Variants in DYNC2H1 observed in about 807,000 individuals in gnomAD.
DYNC2H1 encodes dynein cytoplasmic 2 heavy chain 1, also known as cytoplasmic dynein 2 heavy chain 1.
In DYNC2H1, 410 loss-of-function variants were observed where a neutral mutation model predicts 570.0. That is an observed-to-expected ratio of 0.72 (90% CI 0.66 to 0.78). The LOEUF (loss-of-function observed/expected upper bound fraction) is 0.78, where lower values mean the gene tolerates loss of function less well. Among genes scored for constraint, DYNC2H1 ranks in the 30% least tolerant of loss-of-function variants. The pLI, the probability that DYNC2H1 is intolerant of heterozygous loss-of-function variation, is 0.00. For synonymous variants in DYNC2H1, 1,688 were observed against 1,677.6 expected (o/e 1.01, Z -0.15); for missense variants, 4,865 against 5,046.4 (o/e 0.96, Z 1.09).
intron 83 of DYNC2H1, among the ~76,000 whole-genome samples, chr11:103,382,154 G>A (rs892469879): frequency 2.6e-5 from 4 of 152,060 alleles, no homozygotes; most frequent in African/African-American, 9.7e-5. Context: ...GAGAATTACT[G>A]ACATTCTAAC....
intron 83 of DYNC2H1, among the ~76,000 whole-genome samples, chr11:103,375,892 T>C (rs954743397): frequency 6.6e-6 from 1 of 152,158 alleles, no homozygotes; most frequent in African/African-American, 2.4e-5. Flanking sequence ...TGTTTTGAAA[T>C]GTGAGGACAT....
Position 103,324,386 on chromosome 11 carries a change from C to T in DYNC2H1, c.12039+396C>T, listed in dbSNP as rs1938363672. On this transcript the variant is annotated intron_variant, in intron 82 of 88. Transcript: ENST00000375735. This position sits in a 1 kb window ranked among gnomAD's most constrained non-coding sequence, Gnocchi z 5.2. ...TCCCTTCTTTGTATCCATGTATACTCAGTGTTTAGATCTCACCTATAAGTG... is the reference window on the plus strand; with the variant it reads ...TCCCTTCTTTGTATCCATGTATACTTAGTGTTTAGATCTCACCTATAAGTG... Among the ~76,000 whole-genome samples, 1 of 152,044 alleles carries T rather than the reference C, an allele frequency of 6.6e-6. No homozygotes were observed. The highest frequency in any genetic ancestry group is 6.5e-5 in the Admixed American group (1 of 15,282).
At chr11:103,238,130 C>T (rs1263198651) in intron 63 of DYNC2H1, among the ~76,000 whole-genome samples, 1 of 151,990 alleles carries the variant, frequency 6.6e-6, no homozygotes, top group East Asian at 1.9e-4. Flanking sequence ...TTGGATAGCA[C>T]GTAATCTGTA....
chr11:103,253,384 CG>C lies in DYNC2H1; in HGVS notation c.10144del (p.Asp3382MetfsTer23), dbSNP rs751621733. The C allele has an allele frequency of 6.2e-6, 10 of 1,613,060 alleles. No homozygotes were observed. In the African/African-American group the frequency reaches 1.2e-4, roughly 19 times the overall value. On this transcript the variant is annotated frameshift_variant, in exon 66 of 89. Transcript: ENST00000375735. LOFTEE classifies it high-confidence loss of function. Reference protein sequence around the residue: ...STRNPNPFIPPDAASIVTEVN... With the variant: ...STRNPNPFIPXDAASIVTEVN... Reference sequence around the variant, plus strand: ...AGAAACCCAAATCCTTTTATTCCACCGGATGCAGCTTCCATTGTTACTGAGG... The same window carrying C: ...AGAAACCCAAATCCTTTTATTCCACCGATGCAGCTTCCATTGTTACTGAGG...
chr11:103,315,267 A>C lies in DYNC2H1; in HGVS notation c.11650-1278A>C, dbSNP rs527917025. On this transcript the variant is annotated intron_variant, in intron 79 of 88. Coordinates refer to ENST00000375735, the MANE Select transcript of DYNC2H1 (RefSeq NM_001377.3). ...CAAGCACTAGAATTTAAGCTTCCCA[A>C]GTGCACAGATATTTGCCTCTTGTTT... Among the ~76,000 whole-genome samples the C allele has an allele frequency of 1.8e-4, 28 of 152,216 alleles. 1 individual carries two copies. The South Asian group carries it at 5.8e-3, about 32-fold the overall frequency.
intron 84 of DYNC2H1, among the ~76,000 whole-genome samples, chr11:103,417,735 G>A (rs568046022): frequency 4.3e-4 from 65 of 152,124 alleles, no homozygotes; most frequent in African/African-American, 1.5e-3. Context: ...AATTAGCTGG[G>A]CATGATGGCA....
chr11:103,395,492 T>TAC lies in DYNC2H1; in HGVS notation c.12157-4148_12157-4147dup, dbSNP rs35986938. On this transcript the variant is annotated intron_variant, in intron 83 of 88. Coordinates refer to ENST00000375735, the MANE Select transcript of DYNC2H1 (RefSeq NM_001377.3). This position sits in a 1 kb window ranked among gnomAD's most constrained non-coding sequence, Gnocchi z 4.3. ...TATCATATATATATTTATGTATATG[T>TAC]ACACACACACACACACACACACACT... is the stretch of plus-strand genomic sequence containing the variant. Among the ~76,000 whole-genome samples, 5,208 of 149,898 alleles carry TAC rather than the reference T, an allele frequency of 0.035. 275 individuals carry two copies. Among genetic ancestry groups the TAC allele is most frequent in the African/African-American group, 0.12 (4,715 of 40,780 alleles).
Position 103,147,869 on chromosome 11 carries a change from T to G in DYNC2H1, c.2800T>G (p.Leu934Val). The G allele has an allele frequency of 6.2e-7, 1 of 1,608,978 alleles. No homozygotes were observed. Among genetic ancestry groups the G allele is most frequent in the Non-Finnish European group, 8.5e-7 (1 of 1,176,988 alleles). The change falls in exon 19 of 89, where the codon TTG becomes GTG. Residue 934 changes from leucine to valine, a missense_variant. Transcript: ENST00000375735. ...QKLFDLLVLS[L>V]KKSIQAHLHE... ...GTTATTTGATCTGCTTGTTCTTTCT[T>G]TGAAGAAGTCCATACAGGGTAAATA...
rs1212881045 is a variant in DYNC2H1 at position 103,211,977 on chromosome 11, A to G, written c.8694+34A>G. 7 of 1,462,420 alleles carry G rather than the reference A, an allele frequency of 4.8e-6. No individual in the cohort carries two copies. In the East Asian group the frequency reaches 1.5e-4, roughly 32 times the overall value. The allele number at this position is 1,462,420 out of a possible 1,614,324, so 90.6% of individuals were successfully genotyped here. Reference sequence around the variant, plus strand: ...TTGGTAATCTTGAATTATTTTATCTATATATAGGAAACAAGAGTTTTGTAA... The same window carrying G: ...TTGGTAATCTTGAATTATTTTATCTGTATATAGGAAACAAGAGTTTTGTAA... On this transcript the variant is annotated intron_variant, in intron 54 of 88. Transcript: ENST00000375735.
In DYNC2H1 at chr11:103,156,664, A is replaced by G. The variant is rs758518052; in HGVS notation, c.4021A>G (p.Asn1341Asp). 9.9e-6 allele frequency: 16 copies of G among 1,613,248 alleles called. No individual in the cohort carries two copies. The highest frequency in any genetic ancestry group is 1.6e-4 in the Middle Eastern group (1 of 6,082). The change falls in exon 26 of 89, where the codon AAT becomes GAT. Residue 1341 changes from asparagine to aspartate, a missense_variant. Around this residue, in one of 5 missense-constraint regions of DYNC2H1, gnomAD observed 1,936 missense variants for 1,962.1 expected, o/e 0.99. Coordinates refer to ENST00000375735, the MANE Select transcript of DYNC2H1 (RefSeq NM_001377.3). Reference sequence around the variant, plus strand: ...TGCAGAGTTAGATGAATACCTGCAGAATTTAAATCATATTCAGAGAAAGTG... The same window carrying G: ...TGCAGAGTTAGATGAATACCTGCAGGATTTAAATCATATTCAGAGAAAGTG... ...KLAELDEYLQ[N>D]LNHIQRKWVY...
chr11:103,328,964 A>C (rs573418934), intron 82 of DYNC2H1, among the ~76,000 whole-genome samples: 1 of 152,322 alleles, frequency 6.6e-6, no homozygotes, highest in Non-Finnish European at 1.5e-5. Flanking sequence ...TGCCCATGCA[A>C]TAATGTTTAT....
chr11:103,467,599 G>A (rs191713588), intron 87 of DYNC2H1, among the ~76,000 whole-genome samples: 4 of 152,178 alleles, frequency 2.6e-5, no homozygotes, highest in South Asian at 2.1e-4. Flanking sequence ...GTGTGGTGGC[G>A]CGATCTCGGC....
In DYNC2H1 at chr11:103,243,409, ATATTCTGTG is replaced by A. The variant is rs897495420; in HGVS notation, c.9820-282_9820-274del. Among the ~76,000 whole-genome samples the A allele has an allele frequency of 8.5e-5, 13 of 152,120 alleles. No homozygotes were observed. Among genetic ancestry groups the A allele is most frequent in the African/African-American group, 3.1e-4 (13 of 41,432 alleles). ...CTTGCTTAGCATAATGTTAGTACAGATATTCTGTGTTATTTTGTGTTAAGTAGGACTGTA... is the reference window on the plus strand; with the variant it reads ...CTTGCTTAGCATAATGTTAGTACAGATTATTTTGTGTTAAGTAGGACTGTA... On this transcript the variant is annotated intron_variant, in intron 63 of 88. Coordinates refer to ENST00000375735, the MANE Select transcript of DYNC2H1 (RefSeq NM_001377.3). The surrounding 1 kb of genome is among the most constrained non-coding windows in gnomAD (Gnocchi z 4.8).
At position 103,275,935 on chromosome 11, in the gene DYNC2H1, C is replaced by T. The variant is rs972477407; in HGVS notation, c.10696-4413C>T. Among the ~76,000 whole-genome samples, 5 of 152,102 alleles carry T rather than the reference C, an allele frequency of 3.3e-5. No homozygotes were observed. The highest frequency in any genetic ancestry group is 2.1e-4 in the South Asian group (1 of 4,830). ...GAATATGTTTTGTTTTGTAAGAAAC[C>T]GCTAACCTGCCTTCCAAAGTGGCTG... On this transcript the variant is annotated intron_variant, in intron 70 of 88. Transcript: ENST00000375735. The surrounding 1 kb of genome is among the most constrained non-coding windows in gnomAD (Gnocchi z 4.8).
intron 84 of DYNC2H1, among the ~76,000 whole-genome samples, chr11:103,411,684 A>G (rs191692705): frequency 2.4e-3 from 367 of 152,096 alleles, no homozygotes; most frequent in South Asian, 4.4e-3. Context: ...AAGGGGTCAT[A>G]CATTTTTAAT....
At chr11:103,156,277 C>A in intron 25 of DYNC2H1, 111 bp from the exon 26 acceptor site, 1 of 1,115,548 alleles carries the variant, frequency 9.0e-7, no homozygotes, top group Non-Finnish European at 1.2e-6. Context: ...TTTTTTTTGC[C>A]TTATGGTGAA....
chr11:103,143,074 T>G (rs1366161089), intron 17 of DYNC2H1, among the ~76,000 whole-genome samples, 194 bp from the exon 18 acceptor site: 1 of 152,240 alleles, frequency 6.6e-6, no homozygotes, highest in Non-Finnish European at 1.5e-5. Flanking sequence ...TTATGATCAC[T>G]GCATTTGCAT....
chr11:103,234,246 A>G (rs1249989577), intron 61 of DYNC2H1, 86 bp downstream of exon 61: 12 of 1,423,986 alleles, frequency 8.4e-6, no homozygotes, highest in Non-Finnish European at 9.4e-6. Flanking sequence ...AAAGGAGAGA[A>G]AGATCCATTA....
intron 5 of DYNC2H1, 38 bp downstream of exon 5, chr11:103,116,752 CCTGT>C: frequency 1.3e-6 from 2 of 1,545,530 alleles, no homozygotes. Context: ...ATTTTGAAAA[CCTGT>C]CTTATTTTGT....
Sources: allele counts gnomAD v4.1 joint callset (sites outside exome capture counted in the v4.1 genomes callset), GRCh38; gene constraint gnomAD v4.1.1; regional missense constraint gnomAD v4.1.1; non-coding constraint Gnocchi (gnomAD v3.1); transcripts MANE v1.5; gene names NCBI Gene and HGNC (gene_info 2026-07-23, HGNC 2026-07-21).